The following APPL2 variants were observed in gnomAD, a reference collection of about 807,000 sequenced individuals.
APPL2 encodes adaptor protein, phosphotyrosine interacting with PH domain and leucine zipper 2.
In APPL2, 84 loss-of-function variants were observed where a neutral mutation model predicts 92.7. The observed-to-expected ratio is 0.91, with a 90% CI of 0.76 to 1.09. APPL2 has a LOEUF of 1.09. Among genes scored for constraint, APPL2 ranks in the 50% least tolerant of loss-of-function variants. The pLI is 0.00. For missense variants in APPL2, 736 were observed against 824.5 expected, an observed-to-expected ratio of 0.89 and a Z score of 1.31; for synonymous variants, 291 against 291.0, an observed-to-expected ratio of 1.00 and a Z score of 0.00.
Position 105,207,219 on chromosome 12 carries a change from G to A in APPL2, c.475-12C>T, listed in dbSNP as rs1158350505. 3 of 1,607,986 alleles carry A rather than the reference G, an allele frequency of 1.9e-6. No individual in the cohort carries two copies. The highest frequency in any genetic ancestry group is 2.5e-6 in the Non-Finnish European group (3 of 1,178,188). ...ACTTCGGTCTTCACCTGGTTAAAAG[G>A]TGAAAGGAAAACTTCAAGTTGTCTA... is the stretch of plus-strand genomic sequence containing the variant. On this transcript the variant is annotated splice_polypyrimidine_tract_variant and intron_variant, in intron 7 of 20. Coordinates refer to ENST00000258530, the MANE Select transcript of APPL2 (RefSeq NM_018171.5).
At chr12:105,234,497 G>A (rs998902003) in intron 1 of APPL2, among the ~76,000 whole-genome samples, 1 of 152,206 alleles carries the variant, frequency 6.6e-6, no homozygotes, top group African/African-American at 2.4e-5. Flanking sequence ...ATTCCTTTAT[G>A]TTAGAGCTGG....
intron 2 of APPL2, among the ~76,000 whole-genome samples, chr12:105,219,565 G>C (rs141114270): frequency 1.2e-3 from 184 of 152,334 alleles, no homozygotes; most frequent in African/African-American, 4.2e-3. Context: ...ATGAATGAAT[G>C]AATGAACAAG....
intron 17 of APPL2, chr12:105,177,554 T>A (rs1290252211): frequency 9.3e-6 from 4 of 429,728 alleles, no homozygotes; most frequent in Non-Finnish European, 1.7e-5. Flanking sequence ...CCTCAACAGA[T>A]CTGCTATATA....
intron 17 of APPL2, among the ~76,000 whole-genome samples, chr12:105,187,524 T>G (rs187636308): frequency 6.6e-6 from 1 of 152,352 alleles, no homozygotes; most frequent in East Asian, 1.9e-4. Context: ...TGAGACATTC[T>G]GGCTCTAAAG....
At chr12:105,231,335 A>C (rs1050260383) in intron 1 of APPL2, among the ~76,000 whole-genome samples, 3 of 152,228 alleles carry the variant, frequency 2.0e-5, no homozygotes, top group African/African-American at 7.2e-5. Flanking sequence ...TCCTCCACAA[A>C]GAGGGTAGAA....
chr12:105,185,453 G>T (rs1886515513), intron 17 of APPL2, among the ~76,000 whole-genome samples: 1 of 152,150 alleles, frequency 6.6e-6, no homozygotes, highest in South Asian at 2.1e-4. Context: ...TAGTATCTGG[G>T]CTGGATAGGT....
In APPL2 at chr12:105,199,505, G is replaced by A. The variant is rs139917537; in HGVS notation, c.731C>T (p.Ala244Val). ...TTGCTGGGACACCCGCATCTTTTCC[G>A]CCTCGGCTTCCAGTTCTACCTGAAT... is the stretch of plus-strand genomic sequence containing the variant. Reference protein sequence around the residue: ...QSIQVELEAEAEKMRVSQQEL... With the variant: ...QSIQVELEAEVEKMRVSQQEL... Residue 244 changes from alanine to valine, a missense_variant, in exon 10 of 21, where the codon GCG (alanine) becomes GTG (valine). Ala to Val is a moderately conservative substitution (Grantham distance 64). Transcript: ENST00000258530. The A allele has an allele frequency of 8.7e-6, 14 of 1,613,686 alleles. No individual in the cohort carries two copies. The highest frequency in any genetic ancestry group is 4.0e-5 in the African/African-American group (3 of 74,852).
At chr12:105,176,816 T>C in intron 19 of APPL2, 60 bp downstream of exon 19, 1 of 1,572,736 alleles carries the variant, frequency 6.4e-7, no homozygotes, top group African/African-American at 1.4e-5. Context: ...GCCAGAAAAC[T>C]CTTTTAAAAT....
At chr12:105,204,326 CGTCT>C (rs1387495356) in intron 8 of APPL2, among the ~76,000 whole-genome samples, 2 of 152,266 alleles carry the variant, frequency 1.3e-5, no homozygotes, top group South Asian at 2.1e-4. Context: ...TAACCCGGCT[CGTCT>C]GTCTGACCTG....
At chr12:105,181,694 G>A (rs1442719074) in intron 17 of APPL2, among the ~76,000 whole-genome samples, 1 of 152,148 alleles carries the variant, frequency 6.6e-6, no homozygotes, top group Non-Finnish European at 1.5e-5. Flanking sequence ...TCTTGGGAGG[G>A]TGTATGTGTC....
chr12:105,174,517 G>A, intron 20 of APPL2, 69 bp from the exon 21 acceptor site: 2 of 1,513,360 alleles, frequency 1.3e-6, no homozygotes, highest in Non-Finnish European at 8.9e-7. Flanking sequence ...CTTTGGCCTG[G>A]CTTTCAATAT....
At chr12:105,203,872 A>G in intron 8 of APPL2, 87 bp from the exon 9 acceptor site, 2 of 1,182,550 alleles carry the variant, frequency 1.7e-6, no homozygotes, top group Non-Finnish European at 2.5e-6. Flanking sequence ...GCGTGAGGGC[A>G]GCCATCACAG....
At chr12:105,198,466 G>A (rs970065677) in intron 10 of APPL2, among the ~76,000 whole-genome samples, 3 of 152,152 alleles carry the variant, frequency 2.0e-5, no homozygotes, top group East Asian at 1.9e-4. Flanking sequence ...GACAGAACCC[G>A]GTAGGTTTTC....
chr12:105,232,042 A>G (rs1468004261), intron 1 of APPL2, among the ~76,000 whole-genome samples: 4 of 152,248 alleles, frequency 2.6e-5, no homozygotes, highest in Admixed American at 2.0e-4. Flanking sequence ...ACTTACAAAG[A>G]TAACAACAGC....
At chr12:105,195,672 G>C (rs1388952673) in intron 11 of APPL2, 45 bp from the exon 12 acceptor site, 1 of 1,600,290 alleles carries the variant, frequency 6.2e-7, no homozygotes, top group Non-Finnish European at 8.6e-7. Context: ...CCTGATCTCA[G>C]TGACTGGGAA....
intron 17 of APPL2, among the ~76,000 whole-genome samples, chr12:105,177,750 T>C (rs1244999503): frequency 6.6e-6 from 1 of 152,196 alleles, no homozygotes; most frequent in East Asian, 1.9e-4. Flanking sequence ...AGAGGAATAA[T>C]GTTTAAGAAA....
intron 1 of APPL2, chr12:105,229,660 T>A: frequency 1.0e-6 from 1 of 989,314 alleles, no homozygotes; most frequent in Non-Finnish European, 1.2e-6. Flanking sequence ...AGCTGTAGTG[T>A]GATCATCCCA....
chr12:105,197,738 C>G, intron 11 of APPL2, 27 bp downstream of exon 11: 5 of 1,613,794 alleles, frequency 3.1e-6, no homozygotes, highest in Non-Finnish European at 3.4e-6. Context: ...ACTCATTCTC[C>G]TCCCAAATAA....
chr12:105,229,000 C>G (rs1017174156), intron 2 of APPL2, 125 bp downstream of exon 2: 1 of 801,352 alleles, frequency 1.2e-6, no homozygotes, highest in African/African-American at 1.7e-5. Flanking sequence ...GAAAACAGTT[C>G]TGATTTTGTT....
Sources: gnomAD v4.1 joint callset for allele counts (sites outside exome capture counted in the v4.1 genomes callset) on GRCh38, gnomAD v4.1.1 for gene constraint, MANE v1.5 for transcripts, NCBI Gene and HGNC (gene_info 2026-07-23, HGNC 2026-07-21) for gene names.